The following AR variants were observed in gnomAD, a reference collection of about 807,000 sequenced individuals.
The protein encoded by AR is dihydrotestosterone receptor.
In AR, 8 loss-of-function variants were observed where a neutral mutation model predicts 53.9. The ratio of observed to expected loss-of-function variants is 0.15; its 90% CI spans 0.09 to 0.27. The LOEUF is 0.27. Ranked by LOEUF, AR falls within the 10% of genes least tolerant of loss-of-function variation. The pLI is 1.00. For synonymous variants in AR, 359 were observed against 316.4 expected (o/e 1.13, Z -1.43); for missense variants, 639 against 742.5 (o/e 0.86, Z 1.62).
At chrX:67,634,721 C>A (rs1261182967) in intron 1 of AR, among the ~76,000 whole-genome samples, 1 of 111,408 alleles carries the variant, frequency 9.0e-6, no homozygotes, top group Non-Finnish European at 1.9e-5. Context: ...ATTACTTCAC[C>A]AACTTCTCCA....
chrX:67,704,333 C>T (rs2076055907), intron 3 of AR, among the ~76,000 whole-genome samples: 1 of 112,065 alleles, frequency 8.9e-6, no homozygotes, highest in African/African-American at 3.2e-5. Context: ...TTAATGATCG[C>T]CATTCTAACT....
At chrX:67,581,343 G>A (rs1321631333) in intron 1 of AR, among the ~76,000 whole-genome samples, 1 of 111,491 alleles carries the variant, frequency 9.0e-6, no homozygotes, top group Non-Finnish European at 1.9e-5. Context: ...TAGAATGTGA[G>A]CTTTTAAGAG....
intron 2 of AR, among the ~76,000 whole-genome samples, chrX:67,660,934 C>T (rs897322803): frequency 1.8e-5 from 2 of 111,271 alleles, no homozygotes; most frequent in Non-Finnish European, 3.8e-5. Flanking sequence ...CTTCAAGTCC[C>T]TTGTAAGTTG....
At chrX:67,691,692 G>A (rs1012658496) in intron 3 of AR, among the ~76,000 whole-genome samples, 2 of 112,221 alleles carry the variant, frequency 1.8e-5, no homozygotes, top group African/African-American at 6.5e-5. Flanking sequence ...TTTTGCAGAT[G>A]TGTGTGTCAT....
At chrX:67,555,695 T>C (rs928554854) in intron 1 of AR, among the ~76,000 whole-genome samples, 2 of 112,434 alleles carry the variant, frequency 1.8e-5, no homozygotes, top group Non-Finnish European at 3.8e-5. Context: ...CGTAACATTC[T>C]GAAATGGCCT....
rs185360906 is a variant in AR at position 67,660,779 on chromosome X, C to T, written c.1768+17372C>T. Among the ~76,000 whole-genome samples the T allele has an allele frequency of 7.7e-4, 86 of 111,663 alleles. No homozygotes were observed. The East Asian group carries it at 0.022, about 29-fold the overall frequency. ...GTCATGGGTAGCTTGATGAGGATGG[C>T]ATTGAATCTATAAATTACCTTGGGC... On this transcript the variant is annotated intron_variant, in intron 2 of 7. Transcript: ENST00000374690.
intron 3 of AR, chrX:67,695,793 C>G: frequency 9.4e-6 from 7 of 744,015 alleles, no homozygotes; most frequent in Non-Finnish European, 1.1e-5. Context: ...TCTCTCCCCC[C>G]CCAACACACA....
rs1929683441 is a variant in AR at position 67,545,504 on chromosome X, C to G, written c.358C>G (p.Gln120Glu). 5.9e-6 allele frequency: 7 copies of G among 1,194,477 alleles called. No homozygotes were observed. Among genetic ancestry groups the G allele is most frequent in the Non-Finnish European group, 7.9e-6 (7 of 886,944 alleles). Residue 120 changes from glutamine (Q) to glutamate (E), a missense_variant, in exon 1 of 8, where the codon CAG becomes GAG. Physicochemically the swap from Gln to Glu is conservative, Grantham distance 29 (BLOSUM62 2). Coordinates refer to ENST00000374690, the MANE Select transcript of AR (RefSeq NM_000044.6). ...LDEEQQPSQP[Q>E]SALECHPERG... is the part of the protein sequence containing the mutation. The stretch of plus-strand genomic sequence containing the variant: ...TGAGGAACAGCAACCTTCACAGCCG[C>G]AGTCGGCCCTGGAGTGCCACCCCGA...
intron 1 of AR, among the ~76,000 whole-genome samples, chrX:67,572,770 A>C (rs1319932109): frequency 9.0e-6 from 1 of 111,559 alleles, no homozygotes; most frequent in Non-Finnish European, 1.9e-5. Flanking sequence ...AGGAAACTCT[A>C]CTGTGTATTT....
chrX:67,640,145 C>G (rs1016693761), intron 1 of AR, among the ~76,000 whole-genome samples: 10 of 111,585 alleles, frequency 9.0e-5, no homozygotes, highest in Non-Finnish European at 1.7e-4. Flanking sequence ...GTTGAACCAG[C>G]CTTGCATCCC....
intron 2 of AR, among the ~76,000 whole-genome samples, chrX:67,662,805 C>T (rs1373798188): frequency 9.0e-6 from 1 of 111,187 alleles, no homozygotes; most frequent in Admixed American, 9.6e-5. Context: ...AATCTGGGTG[C>T]TCCTGTATTG....
intron 1 of AR, among the ~76,000 whole-genome samples, chrX:67,580,167 GA>G (rs1238078237): frequency 0.013 from 1,298 of 96,768 alleles, 13 homozygotes; most frequent in African/African-American, 0.041. Flanking sequence ...ATCCTCAAGG[GA>G]AAAAAAAAAA....
intron 2 of AR, among the ~76,000 whole-genome samples, chrX:67,650,933 G>A (rs1926305202): frequency 8.9e-6 from 1 of 111,867 alleles, no homozygotes; most frequent in Admixed American, 9.5e-5. Flanking sequence ...CATGCATTCA[G>A]TCAGTAAATA....
intron 1 of AR, among the ~76,000 whole-genome samples, chrX:67,588,497 T>A (rs939344040): frequency 1.8e-5 from 2 of 111,813 alleles, no homozygotes; most frequent in Non-Finnish European, 3.8e-5. Context: ...TCATCAAGCC[T>A]GTTTTTATTG....
chrX:67,611,729 C>T (rs1923889748), intron 1 of AR, among the ~76,000 whole-genome samples: 1 of 111,341 alleles, frequency 9.0e-6, no homozygotes, highest in Non-Finnish European at 1.9e-5. Flanking sequence ...TTTCCTAGTT[C>T]AACCACCTTT....
intron 3 of AR, among the ~76,000 whole-genome samples, chrX:67,705,486 C>T (rs997931816): frequency 9.0e-6 from 1 of 111,595 alleles, no homozygotes; most frequent in African/African-American, 3.3e-5. Context: ...GATTTTTGCA[C>T]ATTGATTTTG....
At chrX:67,579,853 A>T (rs900736366) in intron 1 of AR, among the ~76,000 whole-genome samples, 1 of 111,575 alleles carries the variant, frequency 9.0e-6, no homozygotes, top group African/African-American at 3.3e-5. Flanking sequence ...CATGAATGCA[A>T]ACATTGTAAT....
At chrX:67,719,168 CA>C (rs2076125752) in intron 5 of AR, among the ~76,000 whole-genome samples, 1 of 111,854 alleles carries the variant, frequency 8.9e-6, no homozygotes, top group Non-Finnish European at 1.9e-5. Flanking sequence ...GCCTGGTAGC[CA>C]AAAGCTAAGA....
Position 67,545,905 on chromosome X carries a change from G to T in AR, c.759G>T (p.Ala253=), listed in dbSNP as rs1234561972. 1 of 1,212,159 alleles carries T rather than the reference G, an allele frequency of 8.2e-7. No individual in the cohort carries two copies. The highest frequency in any genetic ancestry group is 2.2e-5 in the Admixed American group (1 of 46,136). The stretch of plus-strand genomic sequence containing the variant: ...TGTCCATGGGCCTGGGTGTGGAGGC[G>T]TTGGAGCATCTGAGTCCAGGGGAAC... ...VSVSMGLGVE[A]LEHLSPGEQL... The change falls in exon 1 of 8, where the codon GCG becomes GCT. Residue 253 remains alanine (A), a synonymous_variant. Transcript: ENST00000374690.
Sources: allele counts gnomAD v4.1 joint callset (sites outside exome capture counted in the v4.1 genomes callset), GRCh38; gene constraint gnomAD v4.1.1; transcripts MANE v1.5; gene names NCBI Gene and HGNC (gene_info 2026-07-23, HGNC 2026-07-21).